CATSPERB: variants seen among roughly 807,000 people sequenced by gnomAD.
CATSPERB encodes catsper channel auxiliary subunit beta.
A neutral mutation model predicts 128.3 loss-of-function variants in CATSPERB; 93 were observed. That is an observed-to-expected ratio of 0.72 (90% CI 0.61 to 0.86). The LOEUF (loss-of-function observed/expected upper bound fraction) is 0.86. Among genes scored for constraint, CATSPERB ranks in the 40% least tolerant of loss-of-function variants. CATSPERB has a pLI of 0.00. For synonymous variants in CATSPERB, 381 were observed against 448.8 expected, an observed-to-expected ratio of 0.85 and a Z score of 1.91; for missense variants, 1,153 against 1,329.5, an observed-to-expected ratio of 0.87 and a Z score of 2.06.
At chr14:91,624,598 G>A (rs573898422) in intron 18 of CATSPERB, among the ~76,000 whole-genome samples, 12 of 150,820 alleles carry the variant, frequency 8.0e-5, no homozygotes, top group Middle Eastern at 6.9e-3. Flanking sequence ...TCGAGATCGC[G>A]TCACTACACT....
At chr14:91,706,217 C>A (rs570158599) in intron 6 of CATSPERB, among the ~76,000 whole-genome samples, 6 of 152,142 alleles carry the variant, frequency 3.9e-5, no homozygotes, top group Non-Finnish European at 8.8e-5. Flanking sequence ...TAGTGCAGCA[C>A]AAGGACAGCC....
intron 11 of CATSPERB, among the ~76,000 whole-genome samples, chr14:91,675,433 T>C (rs1566727713): frequency 6.6e-6 from 1 of 152,232 alleles, no homozygotes; most frequent in Non-Finnish European, 1.5e-5. Flanking sequence ...TCAACTGGAA[T>C]GCACCCAGGT....
chr14:91,698,367 A>G (rs1895596642), intron 7 of CATSPERB, among the ~76,000 whole-genome samples: 1 of 152,092 alleles, frequency 6.6e-6, no homozygotes, highest in Non-Finnish European at 1.5e-5. Context: ...TCCTTCTCCT[A>G]TTTGGATGCA....
intron 17 of CATSPERB, among the ~76,000 whole-genome samples, chr14:91,632,418 A>T (rs558471454): frequency 1.3e-5 from 2 of 151,992 alleles, no homozygotes; most frequent in African/African-American, 4.8e-5. Context: ...TAAAATGGTT[A>T]AAAAAAGCAT....
At chr14:91,615,932 T>C (rs1178266827) in intron 20 of CATSPERB, among the ~76,000 whole-genome samples, 1 of 148,438 alleles carries the variant, frequency 6.7e-6, no homozygotes, top group African/African-American at 2.5e-5. Context: ...CAGGCTGGAG[T>C]GCAGTGGTGT....
At chr14:91,586,553 GAGAGAGAGAGAGAGAGAA>G (rs1893301448) in intron 26 of CATSPERB, among the ~76,000 whole-genome samples, 3 of 126,920 alleles carry the variant, frequency 2.4e-5, no homozygotes, top group South Asian at 6.0e-4. Flanking sequence ...ACAGGAGAGA[GAGAGAGAGAGAGAGAGAA>G]AGAGAGAGAG....
At chr14:91,655,168 C>T (rs978911410) in intron 15 of CATSPERB, among the ~76,000 whole-genome samples, 1 of 152,198 alleles carries the variant, frequency 6.6e-6, no homozygotes, top group African/African-American at 2.4e-5. Context: ...TAGATCACAA[C>T]ACTCAAGTCC....
At chr14:91,722,763 G>A in intron 4 of CATSPERB, among the ~76,000 whole-genome samples, 1 of 152,076 alleles carries the variant, frequency 6.6e-6, no homozygotes, top group East Asian at 1.9e-4. Flanking sequence ...TGTAAGAAAT[G>A]CTAAAAGAAA....
At chr14:91,680,278 A>G (rs1284884972) in intron 11 of CATSPERB, among the ~76,000 whole-genome samples, 1 of 152,180 alleles carries the variant, frequency 6.6e-6, no homozygotes. Flanking sequence ...GAAACTATCC[A>G]ATCCTTCTAG....
chr14:91,678,682 T>A (rs562600478), intron 11 of CATSPERB, among the ~76,000 whole-genome samples: 31 of 152,280 alleles, frequency 2.0e-4, no homozygotes, highest in African/African-American at 6.7e-4. Context: ...CATACATTTT[T>A]GTCTGAGTTT....
At chr14:91,591,801 G>A (rs1595137261) in intron 23 of CATSPERB, 91 bp downstream of exon 23, 1 of 837,142 alleles carries the variant, frequency 1.2e-6, no homozygotes, top group Admixed American at 1.9e-5. Context: ...TTATTTCTAT[G>A]TCTTAGTTTT....
chr14:91,589,430 TG>T, intron 24 of CATSPERB, 103 bp downstream of exon 24: 1 of 1,130,120 alleles, frequency 8.8e-7, no homozygotes, highest in Non-Finnish European at 1.2e-6. Flanking sequence ...CAAGAACTCC[TG>T]GCTCTCTTTT....
At chr14:91,619,928 C>T (rs1414149044) in intron 19 of CATSPERB, among the ~76,000 whole-genome samples, 1 of 148,584 alleles carries the variant, frequency 6.7e-6, no homozygotes, top group Non-Finnish European at 1.5e-5. Flanking sequence ...TAGAGACAGG[C>T]TCTTGCTATA....
At position 91,639,214 on chromosome 14, in the gene CATSPERB, T is replaced by C. The variant is rs747483890; in HGVS notation, c.1469A>G (p.Glu490Gly). The C allele has an allele frequency of 6.2e-7, 1 of 1,613,864 alleles. No individual in the cohort carries two copies. Among genetic ancestry groups the C allele is most frequent in the South Asian group, 1.1e-5 (1 of 91,074 alleles). The change falls in exon 16 of 27, where the codon GAG becomes GGG. Residue 490 changes from glutamate to glycine, a missense_variant. Physicochemically the swap from Glu to Gly is moderately conservative, Grantham distance 98. Coordinates refer to ENST00000256343, the MANE Select transcript of CATSPERB (RefSeq NM_024764.4). ...GRYSAVGSVT[E>G]RIFTLYYDHL... ...ATCATAGTATAATGTGAAAATTCTC[T>C]CAGTAACACTTCCGACTGCACTGTA...
intron 22 of CATSPERB, chr14:91,603,401 A>G: frequency 6.2e-7 from 1 of 1,608,468 alleles, no homozygotes; most frequent in Non-Finnish European, 8.5e-7. Context: ...TAAAGGTATA[A>G]GCAGCACGTC....
chr14:91,666,018 A>G (rs1038556102), intron 14 of CATSPERB, among the ~76,000 whole-genome samples: 2 of 152,126 alleles, frequency 1.3e-5, no homozygotes, highest in Admixed American at 6.6e-5. Flanking sequence ...TGTTCTCGTG[A>G]TAGTGAGTTC....
intron 24 of CATSPERB, among the ~76,000 whole-genome samples, chr14:91,588,731 C>T (rs774661975): frequency 1.3e-5 from 2 of 152,158 alleles, no homozygotes; most frequent in Non-Finnish European, 2.9e-5. Flanking sequence ...TAACATCTAG[C>T]TTGTAAAATG....
In CATSPERB at chr14:91,624,873, G is replaced by A. The variant is rs371625614; in HGVS notation, c.1877C>T (p.Ser626Phe). The change falls in exon 18 of 27, where the codon TCC becomes TTC. Residue 626 changes from serine (S) to phenylalanine (F), a missense_variant. Coordinates refer to ENST00000256343, the MANE Select transcript of CATSPERB (RefSeq NM_024764.4). ...EVNESSCLSSSLLINKAGNVY... is the reference protein window; with the variant it reads ...EVNESSCLSSFLLINKAGNVY... ...ATTTCCAGCTTTATTAATCAAAAGG[G>A]AACTAGACAAACAAGAGCTCTCATT... 1.0e-3 allele frequency: 1,679 copies of A among 1,611,530 alleles called. 26 individuals carry two copies. In the South Asian group the frequency reaches 0.018, roughly 17 times the overall value.
intron 5 of CATSPERB, among the ~76,000 whole-genome samples, chr14:91,711,679 G>A (rs1411159063): frequency 6.6e-6 from 1 of 152,154 alleles, no homozygotes; most frequent in African/African-American, 2.4e-5. Context: ...GGAGAGTTCA[G>A]ATCAATGCAA....
Sources: allele counts gnomAD v4.1 joint callset (sites outside exome capture counted in the v4.1 genomes callset), GRCh38; gene constraint gnomAD v4.1.1; transcripts MANE v1.5; gene names NCBI Gene and HGNC (gene_info 2026-07-23, HGNC 2026-07-21).